Variants in ZFAT observed in about 807,000 individuals in gnomAD.
ZFAT encodes zinc finger and AT-hook domain containing.
Under a neutral mutation model 117.7 loss-of-function variants are expected in ZFAT, and 64 were observed. That is an observed-to-expected ratio of 0.54 (90% CI 0.44 to 0.67). The LOEUF (loss-of-function observed/expected upper bound fraction) is 0.67. ZFAT is among the 30% of genes least tolerant of loss of function. The probability of loss-of-function intolerance (pLI) is 0.00; values close to 1 mark genes in which losing one functional copy is unlikely to be tolerated. For missense variants in ZFAT, 1,433 were observed against 1,584.5 expected, an observed-to-expected ratio of 0.90 and a Z score of 1.62; for synonymous variants, 679 against 615.0, an observed-to-expected ratio of 1.10 and a Z score of -1.54.
chr8:134,489,231 A>G (rs1254795299), intron 15 of ZFAT, among the ~76,000 whole-genome samples: 1 of 152,094 alleles, frequency 6.6e-6, no homozygotes, highest in African/African-American at 2.4e-5. Context: ...TAGGGAGGCC[A>G]GGGACAGTCT....
the ZFAT span, among the ~76,000 whole-genome samples, chr8:134,800,337 C>T: frequency 6.6e-6 from 1 of 152,150 alleles, no homozygotes; most frequent in Non-Finnish European, 1.5e-5. Context: ...CTTTCTTCTG[C>T]TTTTCTCTGC....
At position 134,601,650 on chromosome 8, in the gene ZFAT, C is replaced by G. The variant is rs748757603; in HGVS notation, c.2069G>C (p.Gly690Ala). 1 of 1,614,184 alleles carries G rather than the reference C, an allele frequency of 6.2e-7. No individual in the cohort carries two copies. The highest frequency in any genetic ancestry group is 1.7e-5 in the Admixed American group (1 of 60,028). The change falls in exon 6 of 16, where the codon GGT (glycine) becomes GCT (alanine). Residue 690 changes from glycine to alanine, a missense_variant. Gly to Ala is a moderately conservative substitution (Grantham distance 60, BLOSUM62 0). This residue lies in a region of ZFAT where 372 missense variants were observed against 355.6 expected (regional missense o/e 1.05). Transcript: ENST00000377838. Reference sequence around the variant, plus strand: ...CTGATGTGTGATGGTGTCCCCACCACCAGCTACTGGAGGGAGGAGGTCTGA... The same window carrying G: ...CTGATGTGTGATGGTGTCCCCACCAGCAGCTACTGGAGGGAGGAGGTCTGA... ...EASDLLPPVA[G>A]GGDTITHQPD...
chr8:134,806,962 T>G, the ZFAT span, among the ~76,000 whole-genome samples: 1 of 152,240 alleles, frequency 6.6e-6, no homozygotes. Flanking sequence ...CTTTATGATT[T>G]CCATCTTTGT....
intron 12 of ZFAT, among the ~76,000 whole-genome samples, chr8:134,525,599 G>C (rs978337952): frequency 6.6e-6 from 1 of 152,192 alleles, no homozygotes; most frequent in Non-Finnish European, 1.5e-5. Flanking sequence ...AATCAAGACA[G>C]AGCAGTGTTC....
At chr8:134,816,952 G>A in the ZFAT span, among the ~76,000 whole-genome samples, 1 of 149,186 alleles carries the variant, frequency 6.7e-6, no homozygotes. Context: ...CCGCACTCCT[G>A]CCTGGGTGAC....
chr8:134,654,711 A>C (rs1381659023), intron 2 of ZFAT, among the ~76,000 whole-genome samples: 5 of 152,234 alleles, frequency 3.3e-5, no homozygotes, highest in Non-Finnish European at 5.9e-5. Flanking sequence ...GGAGGGCAGC[A>C]AGGCCCAAGG....
intron 1 of ZFAT, among the ~76,000 whole-genome samples, chr8:134,672,027 C>CCT (rs1218803103): frequency 1.3e-5 from 2 of 152,136 alleles, no homozygotes; most frequent in African/African-American, 2.4e-5. Context: ...GAATAAAATA[C>CCT]CTAGGAATAC....
At chr8:134,588,527 T>C in intron 8 of ZFAT, 132 bp from the exon 9 acceptor site, 1 of 1,019,184 alleles carries the variant, frequency 9.8e-7, no homozygotes. Context: ...GACAGGATTT[T>C]CACCTAAAAA....
intron 12 of ZFAT, among the ~76,000 whole-genome samples, chr8:134,523,227 G>A (rs550969372): frequency 6.6e-6 from 1 of 152,266 alleles, no homozygotes; most frequent in Non-Finnish European, 1.5e-5. Context: ...CCTGTCCCAC[G>A]GCTGGGTGGC....
intron 15 of ZFAT, among the ~76,000 whole-genome samples, chr8:134,479,744 A>G (rs1817157419): frequency 6.6e-6 from 1 of 152,066 alleles, no homozygotes; most frequent in Non-Finnish European, 1.5e-5. Flanking sequence ...TCCTGCACTG[A>G]CCGGGCTTTG....
the ZFAT span, among the ~76,000 whole-genome samples, chr8:134,806,142 T>A: frequency 6.6e-6 from 1 of 152,084 alleles, no homozygotes; most frequent in Non-Finnish European, 1.5e-5. Flanking sequence ...ACACACACAC[T>A]CTACAGAATA....
the ZFAT span, among the ~76,000 whole-genome samples, chr8:134,729,126 G>T: frequency 1.3e-5 from 2 of 152,082 alleles, no homozygotes; most frequent in East Asian, 1.9e-4. Context: ...TGTAAAGAAC[G>T]CTGGCCTGTA....
At chr8:134,658,120 A>C (rs1831724008) in intron 1 of ZFAT, among the ~76,000 whole-genome samples, 2 of 152,264 alleles carry the variant, frequency 1.3e-5, no homozygotes, top group South Asian at 4.1e-4. Context: ...GGCGGAGCAC[A>C]AGGTCAGGAG....
chr8:134,533,876 A>G (rs986318912), intron 11 of ZFAT, among the ~76,000 whole-genome samples: 1 of 152,202 alleles, frequency 6.6e-6, no homozygotes. Flanking sequence ...CATCACTGTC[A>G]AATTCCATGC....
chr8:134,753,232 C>CCACCAACAA, the ZFAT span, among the ~76,000 whole-genome samples: 1 of 149,752 alleles, frequency 6.7e-6, no homozygotes, highest in African/African-American at 2.5e-5. Context: ...AACGAACCAA[C>CCACCAACAA]CAACAACAAC....
At chr8:134,610,881 G>A (rs1828284727) in intron 3 of ZFAT, among the ~76,000 whole-genome samples, 2 of 151,722 alleles carry the variant, frequency 1.3e-5, no homozygotes, top group Non-Finnish European at 1.5e-5. Context: ...TAGGCCCTGG[G>A]CGTACACTGT....
intron 1 of ZFAT, among the ~76,000 whole-genome samples, chr8:134,694,354 T>G (rs1306117445): frequency 6.6e-6 from 1 of 152,096 alleles, no homozygotes; most frequent in African/African-American, 2.4e-5. Context: ...CGAAGATACT[T>G]AGGAATAGGC....
intron 5 of ZFAT, 63 bp downstream of exon 5, chr8:134,608,666 C>A: frequency 7.0e-6 from 11 of 1,568,628 alleles, no homozygotes; most frequent in Non-Finnish European, 9.5e-6. Flanking sequence ...ATCCTTCCTG[C>A]ACTCTGTGGA....
intron 1 of ZFAT, among the ~76,000 whole-genome samples, chr8:134,704,476 G>A (rs1346085033): frequency 6.6e-6 from 1 of 152,134 alleles, no homozygotes; most frequent in Non-Finnish European, 1.5e-5. Context: ...CTTCCTCTCT[G>A]AACTATTTCT....
Sources: gnomAD v4.1 joint callset for allele counts (sites outside exome capture counted in the v4.1 genomes callset) on GRCh38, gnomAD v4.1.1 for gene constraint, gnomAD v4.1.1 regional missense constraint, MANE v1.5 for transcripts, NCBI Gene and HGNC (gene_info 2026-07-23, HGNC 2026-07-21) for gene names.